SYTL5: variants seen among roughly 807,000 people sequenced by gnomAD.
SYTL5 encodes synaptotagmin-like protein 5.
In SYTL5, 34 loss-of-function variants were observed where a neutral mutation model predicts 55.9. That is an observed-to-expected ratio of 0.61 (90% CI 0.46 to 0.81). SYTL5 has a LOEUF of 0.81. SYTL5 is among the 30% of genes least tolerant of loss of function. SYTL5 has a pLI of 0.00. For synonymous variants in SYTL5, 221 were observed against 188.7 expected (o/e 1.17, Z -1.40); for missense variants, 637 against 546.7 (o/e 1.17, Z -1.65).
chrX:37,984,967 G>A, the SYTL5 span, among the ~76,000 whole-genome samples: 3 of 111,839 alleles, frequency 2.7e-5, no homozygotes, highest in Non-Finnish European at 5.7e-5. Context: ...GAAATAGAAA[G>A]GAACTTCCTC....
At chrX:38,108,795 G>C in intron 12 of SYTL5, 96 bp downstream of exon 12, 2 of 519,689 alleles carry the variant, frequency 3.8e-6, no homozygotes, top group East Asian at 7.7e-5. Flanking sequence ...TGTGTGTCAA[G>C]GCTTGTATAT....
At chrX:38,030,458 A>G (rs1348080765) in intron 1 of SYTL5, among the ~76,000 whole-genome samples, 1 of 111,880 alleles carries the variant, frequency 8.9e-6, no homozygotes, top group Non-Finnish European at 1.9e-5. Context: ...CGCTTTAAAT[A>G]AGCTAAATTT....
the SYTL5 span, among the ~76,000 whole-genome samples, chrX:37,920,398 A>G: frequency 9.1e-6 from 1 of 109,798 alleles, no homozygotes; most frequent in Non-Finnish European, 1.9e-5. Flanking sequence ...TTTTCCTCCT[A>G]CACCTCTCAC....
At chrX:38,009,004 T>G (rs1934086461) in intron 1 of SYTL5, among the ~76,000 whole-genome samples, 1 of 111,679 alleles carries the variant, frequency 9.0e-6, no homozygotes, top group African/African-American at 3.3e-5. Flanking sequence ...AAGGAATACT[T>G]TTCCAAATTC....
Position 38,016,430 on chromosome X carries a change from A to G in SYTL5, c.-357+9762A>G, listed in dbSNP as rs1934357553. On this transcript the variant is annotated intron_variant, in intron 1 of 16. Coordinates refer to ENST00000297875, the MANE Select transcript of SYTL5 (RefSeq NM_138780.3). ...GACATTATCAATCAGACTTATAGGA[A>G]TCCTAACCAAGTATGAGGGGCAGCA... Among the ~76,000 whole-genome samples, 5 of 111,822 alleles carry G rather than the reference A, an allele frequency of 4.5e-5. No homozygotes were observed. In the Admixed American group the frequency reaches 4.8e-4, roughly 11 times the overall value.
At chrX:37,927,933 T>C in the SYTL5 span, among the ~76,000 whole-genome samples, 1 of 112,050 alleles carries the variant, frequency 8.9e-6, no homozygotes, top group Non-Finnish European at 1.9e-5. Context: ...ATATGGCTAA[T>C]CCCCAAGATA....
the SYTL5 span, chrX:37,991,272 CT>C: frequency 8.9e-7 from 1 of 1,125,074 alleles, no homozygotes; most frequent in Non-Finnish European, 1.2e-6. Flanking sequence ...GGAATATCTG[CT>C]GTTGTCATCA....
At chrX:38,102,724 A>G (rs1032230105) in intron 10 of SYTL5, among the ~76,000 whole-genome samples, 1 of 110,952 alleles carries the variant, frequency 9.0e-6, no homozygotes, top group Non-Finnish European at 1.9e-5. Flanking sequence ...TTATTTTTCA[A>G]TTATCTGCTG....
intron 6 of SYTL5, among the ~76,000 whole-genome samples, chrX:38,077,716 T>G (rs1390615978): frequency 8.9e-6 from 1 of 112,158 alleles, no homozygotes; most frequent in African/African-American, 3.2e-5. Flanking sequence ...ATCAAAATAT[T>G]AATACTGTAT....
At position 38,043,661 on chromosome X, in the gene SYTL5, G is replaced by GTATATATATATATATATATA. The variant is rs35312093; in HGVS notation, c.119+9664_119+9683dup. Among the ~76,000 whole-genome samples the GTATATATATATATATATATA allele has an allele frequency of 1.4e-3, 68 of 50,116 alleles. 1 individual carries two copies. Among genetic ancestry groups the GTATATATATATATATATATA allele is most frequent in the East Asian group, 5.7e-3 (7 of 1,228 alleles). 43.5% of individuals were successfully genotyped at this position (50,116 alleles called of 115,157 possible). A position where few individuals can be genotyped will look rare whatever the true frequency, so the allele number is the denominator to read the frequency against. On this transcript the variant is annotated intron_variant, in intron 2 of 16. Transcript: ENST00000297875. The stretch of plus-strand genomic sequence containing the variant: ...CTGTAACTTTTATGTATGTATGTAT[G>GTATATATATATATATATATA]TATATATATATATATATATATATAT...
At chrX:38,012,716 G>A (rs1934226954) in intron 1 of SYTL5, among the ~76,000 whole-genome samples, 1 of 111,314 alleles carries the variant, frequency 9.0e-6, no homozygotes, top group South Asian at 3.8e-4. Flanking sequence ...TTCTCTCCCT[G>A]GTGTGAAGTT....
chrX:37,938,974 A>T, the SYTL5 span, among the ~76,000 whole-genome samples: 2 of 111,648 alleles, frequency 1.8e-5, no homozygotes, highest in African/African-American at 6.5e-5. Flanking sequence ...TGTTTGAAAA[A>T]TGGTCAGGCG....
chrX:37,975,468 A>G, the SYTL5 span, among the ~76,000 whole-genome samples: 1 of 111,958 alleles, frequency 8.9e-6, no homozygotes, highest in Non-Finnish European at 1.9e-5. Context: ...GTTTGAAGAG[A>G]GTGATGAGGT....
chrX:38,095,820 A>G (rs1936921682), intron 8 of SYTL5, among the ~76,000 whole-genome samples: 1 of 111,121 alleles, frequency 9.0e-6, no homozygotes. Flanking sequence ...TTTAAAGTCT[A>G]GGAGCAAAGC....
intron 15 of SYTL5, among the ~76,000 whole-genome samples, chrX:38,124,175 T>A (rs1028634242): frequency 9.0e-6 from 1 of 111,423 alleles, no homozygotes; most frequent in Admixed American, 9.6e-5. Context: ...ATGTAAGAAG[T>A]AGTTTTATCA....
At chrX:37,973,725 C>T in the SYTL5 span, among the ~76,000 whole-genome samples, 3 of 110,230 alleles carry the variant, frequency 2.7e-5, no homozygotes, top group African/African-American at 9.9e-5. Context: ...ACCTCTGCCT[C>T]CCGGGTTCAA....
chrX:38,059,728 C>G (rs1207932717), intron 3 of SYTL5, among the ~76,000 whole-genome samples: 1 of 110,895 alleles, frequency 9.0e-6, no homozygotes, highest in East Asian at 2.8e-4. Flanking sequence ...TGTTTTTTCA[C>G]ACAGCTCTTT....
chrX:38,036,834 G>A (rs1170517978), intron 2 of SYTL5, among the ~76,000 whole-genome samples: 1 of 112,029 alleles, frequency 8.9e-6, no homozygotes, highest in Non-Finnish European at 1.9e-5. Context: ...AATAATATCA[G>A]TGACATCATA....
chrX:37,960,770 A>T, the SYTL5 span, among the ~76,000 whole-genome samples: 2 of 17,608 alleles, frequency 1.1e-4, no homozygotes, highest in Middle Eastern at 0.029. Context: ...GATTATTTTT[A>T]TTTATTTATT....
Sources: gnomAD v4.1 joint callset for allele counts (sites outside exome capture counted in the v4.1 genomes callset) on GRCh38, gnomAD v4.1.1 for gene constraint, MANE v1.5 for transcripts, NCBI Gene and HGNC (gene_info 2026-07-23, HGNC 2026-07-21) for gene names.